The following RANBP17 variants were observed in gnomAD, a reference collection of about 807,000 sequenced individuals.
The protein encoded by RANBP17 is ran-binding protein 17.
In RANBP17, 158 loss-of-function variants were observed where a neutral mutation model predicts 141.2. That is an observed-to-expected ratio of 1.12 (90% CI 0.98 to 1.28). RANBP17 has a LOEUF of 1.28. RANBP17 is among the 50% of genes most tolerant of loss of function. RANBP17 has a pLI of 0.00. For missense variants in RANBP17, 1,438 were observed against 1,290.7 expected (o/e 1.11, Z -1.75); for synonymous variants, 430 against 450.0 (o/e 0.96, Z 0.56).
chr5:170,961,185 C>T (rs1776129872), intron 13 of RANBP17, among the ~76,000 whole-genome samples: 1 of 152,220 alleles, frequency 6.6e-6, no homozygotes, highest in Admixed American at 6.5e-5. Flanking sequence ...TTTTATCTTC[C>T]TCTTGATAGA....
intron 11 of RANBP17, among the ~76,000 whole-genome samples, chr5:170,920,034 T>C (rs1257708122): frequency 5.3e-5 from 8 of 152,156 alleles, no homozygotes; most frequent in Non-Finnish European, 1.2e-4. Flanking sequence ...ATTTTGTGGA[T>C]ATATCAGTTT....
At chr5:170,960,310 CTATTT>C (rs1312273132) in intron 13 of RANBP17, among the ~76,000 whole-genome samples, 7 of 152,134 alleles carry the variant, frequency 4.6e-5, no homozygotes, top group Non-Finnish European at 1.0e-4. Context: ...CTCAGTGATT[CTATTT>C]TGTTTCAGTA....
chr5:171,218,320 G>A (rs1052137282), intron 21 of RANBP17, among the ~76,000 whole-genome samples: 12 of 152,008 alleles, frequency 7.9e-5, no homozygotes, highest in Non-Finnish European at 1.3e-4. Flanking sequence ...TTATGTGGTC[G>A]ATTTTAGAAT....
intron 25 of RANBP17, among the ~76,000 whole-genome samples, chr5:171,273,632 C>CA (rs1343004307): frequency 2.0e-5 from 3 of 152,100 alleles, no homozygotes; most frequent in Non-Finnish European, 2.9e-5. Flanking sequence ...AATTAAAAAA[C>CA]AAAAAATTGA....
rs143312931 is a variant in RANBP17, at chr5:171,000,345, G to A, written c.1710+31968G>A. Among the ~76,000 whole-genome samples, 378 of 152,126 alleles carry A rather than the reference G, an allele frequency of 2.5e-3. 10 individuals carry two copies. The East Asian group carries it at 0.059, about 24-fold the overall frequency. On this transcript the variant is annotated intron_variant, in intron 14 of 27. Coordinates refer to ENST00000523189, the MANE Select transcript of RANBP17 (RefSeq NM_022897.5). ...GTTGTACCACTTAATATTTCCACCA[G>A]CATTGCACAAGGATTCGAGTTTCTC... is the stretch of plus-strand genomic sequence containing the variant.
intron 25 of RANBP17, among the ~76,000 whole-genome samples, chr5:171,293,003 C>G (rs1278354667): frequency 1.3e-5 from 2 of 152,190 alleles, no homozygotes; most frequent in Non-Finnish European, 2.9e-5. Context: ...TGCTAAGTTT[C>G]TTACCATGGC....
chr5:171,004,401 T>A (rs1488768129), intron 14 of RANBP17, among the ~76,000 whole-genome samples: 1 of 151,782 alleles, frequency 6.6e-6, no homozygotes, highest in East Asian at 1.9e-4. Context: ...TAAAAAAGAG[T>A]GCATAAAAGA....
intron 14 of RANBP17, among the ~76,000 whole-genome samples, chr5:171,019,915 C>G: frequency 6.6e-6 from 1 of 152,120 alleles, no homozygotes; most frequent in Non-Finnish European, 1.5e-5. Context: ...GCATTTAGTG[C>G]TATAAATTTC....
intron 14 of RANBP17, among the ~76,000 whole-genome samples, chr5:171,048,608 T>C (rs1428501486): frequency 6.6e-6 from 1 of 152,136 alleles, no homozygotes; most frequent in Non-Finnish European, 1.5e-5. Context: ...CGATAGGTAG[T>C]CTTTCAGTCC....
intron 12 of RANBP17, among the ~76,000 whole-genome samples, chr5:170,933,327 G>C (rs932508974): frequency 6.6e-6 from 1 of 151,780 alleles, no homozygotes; most frequent in Non-Finnish European, 1.5e-5. Flanking sequence ...TCTTACTAGC[G>C]GTCTATCAAT....
chr5:171,112,941 C>T (rs542296146), intron 14 of RANBP17, among the ~76,000 whole-genome samples: 7 of 152,264 alleles, frequency 4.6e-5, no homozygotes, highest in South Asian at 4.1e-4. Context: ...TGCCCACAAG[C>T]AAAGTTATAT....
chr5:171,231,937 C>A (rs1177067413), intron 22 of RANBP17, among the ~76,000 whole-genome samples: 2 of 151,964 alleles, frequency 1.3e-5, no homozygotes, highest in East Asian at 1.9e-4. Flanking sequence ...CTACAAATAG[C>A]AAAATGCTTG....
At chr5:171,162,275 A>G (rs1230178768) in intron 14 of RANBP17, among the ~76,000 whole-genome samples, 1 of 152,164 alleles carries the variant, frequency 6.6e-6, no homozygotes, top group Non-Finnish European at 1.5e-5. Context: ...TGTCAGGACA[A>G]ATGTACACTC....
chr5:171,130,909 T>A (rs1756873965), intron 14 of RANBP17, among the ~76,000 whole-genome samples: 1 of 152,196 alleles, frequency 6.6e-6, no homozygotes. Context: ...TACAGCATTT[T>A]ATTTATAATA....
chr5:170,949,466 T>G (rs1775031117), intron 12 of RANBP17, among the ~76,000 whole-genome samples: 1 of 152,056 alleles, frequency 6.6e-6, no homozygotes. Flanking sequence ...CCACTAAACA[T>G]ATGAAAGGAT....
rs1327699772 is a variant in RANBP17, at chr5:171,040,373, A to C, written c.1710+71996A>C. On this transcript the variant is annotated intron_variant, in intron 14 of 27. Transcript: ENST00000523189. ...CAGGGACTTTCTTAAATAATTTTAG[A>C]GCTTTTAGTTGCAAAATGTCTTTGT... Among the ~76,000 whole-genome samples the C allele has an allele frequency of 2.6e-5, 4 of 152,332 alleles. No homozygotes were observed. In the East Asian group the frequency reaches 5.8e-4, roughly 22 times the overall value.
At chr5:170,974,200 G>A (rs745876064) in intron 14 of RANBP17, among the ~76,000 whole-genome samples, 1 of 152,128 alleles carries the variant, frequency 6.6e-6, no homozygotes, top group Non-Finnish European at 1.5e-5. Flanking sequence ...TTCATTCTGA[G>A]CCAAATTACC....
intron 14 of RANBP17, among the ~76,000 whole-genome samples, chr5:171,131,413 T>C (rs1254574504): frequency 6.6e-6 from 1 of 152,210 alleles, no homozygotes; most frequent in African/African-American, 2.4e-5. Context: ...TTGTACAGCT[T>C]GGGAAAATGT....
rs1377146449 is a variant in RANBP17 at position 170,931,622 on chromosome 5, A to G, written c.1468+7072A>G. On this transcript the variant is annotated intron_variant, in intron 12 of 27. Transcript: ENST00000523189. Reference sequence around the variant, plus strand: ...AAGGGATCCAGTTTCAGCTTTCTATATATGGCTAGCCAGTTTTCCCAGCAC... The same window carrying G: ...AAGGGATCCAGTTTCAGCTTTCTATGTATGGCTAGCCAGTTTTCCCAGCAC... Among the ~76,000 whole-genome samples the G allele has an allele frequency of 3.3e-5, 5 of 152,298 alleles. No homozygotes were observed. The East Asian group carries it at 7.7e-4, about 23-fold the overall frequency.
Sources: allele counts gnomAD v4.1 joint callset (sites outside exome capture counted in the v4.1 genomes callset), GRCh38; gene constraint gnomAD v4.1.1; transcripts MANE v1.5; gene names NCBI Gene and HGNC (gene_info 2026-07-23, HGNC 2026-07-21).